NEB: variants seen among roughly 807,000 people sequenced by gnomAD.
NEB encodes the protein nebulin.
NEB carries 512 observed loss-of-function variants against 952.2 expected under a neutral mutation model. That is an observed-to-expected ratio of 0.54 (90% CI 0.50 to 0.58). The LOEUF is 0.58. NEB is among the 20% of genes least tolerant of loss of function. NEB has a pLI of 0.00. For missense variants in NEB, 8,428 were observed against 9,231.1 expected (o/e 0.91, Z 3.56); for synonymous variants, 2,900 against 3,149.8 (o/e 0.92, Z 2.66).
intron 40 of NEB, among the ~76,000 whole-genome samples, chr2:151,666,866 T>C (rs1348927720): frequency 6.6e-6 from 1 of 152,066 alleles, no homozygotes; most frequent in Non-Finnish European, 1.5e-5. Flanking sequence ...CTGGTCAATG[T>C]ATGCTTTTTT....
Position 151,531,900 on chromosome 2 carries a change from A to T in NEB, c.21418-4T>A. The stretch of plus-strand genomic sequence containing the variant: ...CATAGTTTTTCCTGTATTTGATCTA[A>T]ATTGTGGAAGAGAAGAAAGAGCTCT... On this transcript the variant is annotated splice_polypyrimidine_tract_variant and splice_region_variant and intron_variant, in intron 143 of 181. Coordinates refer to ENST00000397345, the MANE Select transcript of NEB (RefSeq NM_001164508.2). 6.5e-7 allele frequency: 1 copy of T among 1,533,630 alleles called. No individual in the cohort carries two copies. The highest frequency in any genetic ancestry group is 8.8e-7 in the Non-Finnish European group (1 of 1,131,582).
chr2:151,698,272 T>A (rs537749540), intron 13 of NEB, among the ~76,000 whole-genome samples: 48 of 152,306 alleles, frequency 3.2e-4, no homozygotes, highest in African/African-American at 1.1e-3. Flanking sequence ...AATTCACCAA[T>A]TTAAAGTATA....
At chr2:151,499,433 A>T (rs1316298128) in intron 168 of NEB, 43 bp from the exon 169 acceptor site, 1 of 1,094,664 alleles carries the variant, frequency 9.1e-7, no homozygotes. Context: ...AAGAGCAGTC[A>T]AAACAGCCCT....
chr2:151,654,654 T>C lies in NEB; in HGVS notation c.6808-555A>G, dbSNP rs7583401. 2.6e-3 allele frequency among the ~76,000 whole-genome samples: 397 copies of C among 152,288 alleles called. 4 individuals are homozygous for C. Among genetic ancestry groups the C allele is most frequent in the African/African-American group, 8.7e-3 (361 of 41,564 alleles). On this transcript the variant is annotated intron_variant, in intron 51 of 181. Transcript: ENST00000397345. ...TATCCAGTACTTTCCATGGGCCAGG[T>C]ACTGTATTGAGAATCTTATACAGAA...
At chr2:151,610,918 T>G in intron 78 of NEB, 52 bp from the exon 79 acceptor site, 1 of 1,162,734 alleles carries the variant, frequency 8.6e-7, no homozygotes, top group Non-Finnish European at 1.2e-6. Flanking sequence ...GTATAAGACC[T>G]TCTGTTAAAG....
chr2:151,619,714 C>A lies in NEB; in HGVS notation c.10609G>T (p.Ala3537Ser), dbSNP rs556492694. The A allele has an allele frequency of 1.2e-6, 2 of 1,613,706 alleles. No individual in the cohort carries two copies. The highest frequency in any genetic ancestry group is 1.7e-5 in the Admixed American group (1 of 60,006). ...TTGGGGTCATCGTGTACTGCTCGGG[C>A]GCCAATGTGGTGACCCAACTGTTTA... ...YRKQLGHHIG[A>S]RAVHDDPKIM... The change falls in exon 73 of 182, where the codon GCC (alanine) becomes TCC (serine). Residue 3537 changes from alanine (A) to serine (S), a missense_variant. Physicochemically the swap from Ala to Ser is moderately conservative, Grantham distance 99. Around this residue, in one of 11 missense-constraint regions of NEB, gnomAD observed 1,772 missense variants for 1,960.3 expected, o/e 0.90. Coordinates refer to ENST00000397345, the MANE Select transcript of NEB (RefSeq NM_001164508.2).
At position 151,525,872 on chromosome 2, in the gene NEB, A is replaced by G. The variant is rs569100746; in HGVS notation, c.22161+86T>C. Reference sequence around the variant, plus strand: ...TGGTAAGAGTGAAGCTACATAAAGGAAGCAAAAGGCAACTGACATTATTTC... The same window carrying G: ...TGGTAAGAGTGAAGCTACATAAAGGGAGCAAAAGGCAACTGACATTATTTC... On this transcript the variant is annotated intron_variant, in intron 150 of 181. Transcript: ENST00000397345. The G allele has an allele frequency of 5.9e-6, 6 of 1,019,520 alleles. No individual in the cohort carries two copies. The Admixed American group carries it at 1.0e-4, about 17-fold the overall frequency. 63.2% of individuals were successfully genotyped at this position (1,019,520 alleles called of 1,614,324 possible). A position where few individuals can be genotyped will look rare whatever the true frequency, so the allele number is the denominator to read the frequency against.
At chr2:151,682,573 T>A in intron 29 of NEB, 89 bp downstream of exon 29, 1 of 1,057,146 alleles carries the variant, frequency 9.5e-7, no homozygotes, top group Non-Finnish European at 1.4e-6. Context: ...TGACTGAGAA[T>A]GAAGCAATGA....
At chr2:151,699,947 G>A (rs1406398077) in intron 13 of NEB, among the ~76,000 whole-genome samples, 1 of 149,068 alleles carries the variant, frequency 6.7e-6, no homozygotes, top group African/African-American at 2.5e-5. Flanking sequence ...CCATGCCTAT[G>A]TCCTGAATGG....
intron 148 of NEB, among the ~76,000 whole-genome samples, chr2:151,526,591 G>GT (rs1233376780): frequency 2.0e-5 from 3 of 152,198 alleles, no homozygotes; most frequent in Non-Finnish European, 2.9e-5. Context: ...AAACTGTAGT[G>GT]AAGGGAAAGT....
intron 47 of NEB, among the ~76,000 whole-genome samples, 166 bp from the exon 48 acceptor site, chr2:151,658,256 A>T (rs1421397169): frequency 1.3e-5 from 2 of 152,134 alleles, no homozygotes; most frequent in African/African-American, 2.4e-5. Context: ...ACTGTGTTTG[A>T]AAAACAATCT....
In NEB at chr2:151,527,690, T is replaced by C. The variant is rs548573941; in HGVS notation, c.21736-105A>G. The C allele has an allele frequency of 2.5e-5, 19 of 757,010 alleles. No individual in the cohort carries two copies. In the African/African-American group the frequency reaches 3.2e-4, roughly 13 times the overall value. 46.9% of individuals were successfully genotyped at this position (757,010 alleles called of 1,614,324 possible). ...TTGCATTTCAAAACATCTCAAATCATGATTCCTAATGCAAGAGGAAGCCCC... is the reference window on the plus strand; with the variant it reads ...TTGCATTTCAAAACATCTCAAATCACGATTCCTAATGCAAGAGGAAGCCCC... On this transcript the variant is annotated intron_variant, in intron 146 of 181. Coordinates refer to ENST00000397345, the MANE Select transcript of NEB (RefSeq NM_001164508.2).
At chr2:151,677,287 C>T (rs2154208676) in intron 34 of NEB, among the ~76,000 whole-genome samples, 1 of 152,020 alleles carries the variant, frequency 6.6e-6, no homozygotes, top group Non-Finnish European at 1.5e-5. Context: ...GTGTGTAGTC[C>T]TAGAATAGAA....
chr2:151,543,292 T>C (rs2094311533), intron 135 of NEB, among the ~76,000 whole-genome samples: 1 of 152,210 alleles, frequency 6.6e-6, no homozygotes, highest in Non-Finnish European at 1.5e-5. Flanking sequence ...GTTGAACAGA[T>C]AAAACGTAAG....
At chr2:151,545,314 G>A (rs988397870) in intron 135 of NEB, among the ~76,000 whole-genome samples, 4 of 152,162 alleles carry the variant, frequency 2.6e-5, no homozygotes, top group Non-Finnish European at 2.9e-5. Context: ...GGTGGCTCAC[G>A]CCTGTAATTC....
At chr2:151,538,654 A>C (rs1224850742) in intron 138 of NEB, among the ~76,000 whole-genome samples, 1 of 152,060 alleles carries the variant, frequency 6.6e-6, no homozygotes, top group African/African-American at 2.4e-5. Context: ...GAAAAAAAAA[A>C]CCCAAACAAA....
rs1194301158 is a variant in NEB, at chr2:151,643,847, C to T, written c.7927G>A (p.Ala2643Thr). 6.8e-6 allele frequency: 11 copies of T among 1,613,726 alleles called. No homozygotes were observed. Among genetic ancestry groups the T allele is most frequent in the Non-Finnish European group, 7.6e-6 (9 of 1,179,756 alleles). Reference sequence around the variant, plus strand: ...CTCTGGAGGTCATAGGCCTGCCGAGCATGGATGACATCGCTCTGGTCGGGC... The same window carrying T: ...CTCTGGAGGTCATAGGCCTGCCGAGTATGGATGACATCGCTCTGGTCGGGC... ...CLPDQSDVIH[A>T]RQAYDLQSDN... Residue 2643 changes from alanine to threonine, a missense_variant, in exon 57 of 182, where the codon GCT (alanine) becomes ACT (threonine). Ala to Thr is a moderately conservative substitution (Grantham distance 58). Coordinates refer to ENST00000397345, the MANE Select transcript of NEB (RefSeq NM_001164508.2).
chr2:151,688,715 C>T (rs908008532), intron 24 of NEB, among the ~76,000 whole-genome samples: 1 of 151,948 alleles, frequency 6.6e-6, no homozygotes, highest in African/African-American at 2.4e-5. Flanking sequence ...ATATTAGGCA[C>T]AGTAAGAGAT....
rs576222548 is a variant in NEB, at chr2:151,621,556, G to A, written c.10453-530C>T. 4.6e-5 allele frequency among the ~76,000 whole-genome samples: 7 copies of A among 152,254 alleles called. No homozygotes were observed. In the South Asian group the frequency reaches 1.2e-3, roughly 27 times the overall value. On this transcript the variant is annotated intron_variant, in intron 71 of 181. Coordinates refer to ENST00000397345, the MANE Select transcript of NEB (RefSeq NM_001164508.2). The stretch of plus-strand genomic sequence containing the variant: ...GCTGCAAGTTGTTCGAGGACATGAG[G>A]GTAGCAGGTACCAAAGATTTAGGAG...
Sources: gnomAD v4.1 joint callset for allele counts (sites outside exome capture counted in the v4.1 genomes callset) on GRCh38, gnomAD v4.1.1 for gene constraint, gnomAD v4.1.1 regional missense constraint, MANE v1.5 for transcripts, NCBI Gene and HGNC (gene_info 2026-07-23, HGNC 2026-07-21) for gene names.